CD226: variants seen among roughly 807,000 people sequenced by gnomAD.
CD226 encodes CD226 molecule, also known as CD226 antigen.
CD226 carries 24 observed loss-of-function variants against 34.9 expected under a neutral mutation model. The observed-to-expected ratio is 0.69, with a 90% CI of 0.50 to 0.97. The LOEUF (loss-of-function observed/expected upper bound fraction) is 0.97, where lower values mean the gene tolerates loss of function less well. CD226 is among the 50% of genes least tolerant of loss of function. CD226 has a pLI of 0.00. For synonymous variants in CD226, 148 were observed against 147.4 expected (o/e 1.00, Z -0.03); for missense variants, 397 against 412.7 (o/e 0.96, Z 0.33).
intron 2 of CD226, among the ~76,000 whole-genome samples, chr18:69,926,149 A>G (rs1034371349): frequency 1.3e-5 from 2 of 151,954 alleles, no homozygotes; most frequent in African/African-American, 4.8e-5. Flanking sequence ...TCTCAAAACA[A>G]CAATAACAAC....
At chr18:69,930,691 T>C (rs4599011) in intron 2 of CD226, among the ~76,000 whole-genome samples, 137,066 of 152,232 alleles carry the variant, frequency 0.9, 63,072 homozygotes, top group East Asian at 1. Context: ...AATAAGCATG[T>C]GCTCACCCGC....
At chr18:69,920,927 T>TC (rs2055443318) in intron 2 of CD226, among the ~76,000 whole-genome samples, 1 of 152,196 alleles carries the variant, frequency 6.6e-6, no homozygotes. Context: ...AATTCTGGAA[T>TC]CCTTTATACA....
chr18:69,882,878 G>A (rs12965075), intron 3 of CD226, among the ~76,000 whole-genome samples: 1 of 152,246 alleles, frequency 6.6e-6, no homozygotes, highest in African/African-American at 2.4e-5. Context: ...ATGTTGCTCA[G>A]GCTGGGGTTG....
chr18:69,902,128 T>C (rs1179650685), intron 2 of CD226, among the ~76,000 whole-genome samples: 7 of 152,170 alleles, frequency 4.6e-5, no homozygotes, highest in Non-Finnish European at 1.0e-4. Flanking sequence ...TTAAAGCTCA[T>C]ACATTTTTCA....
At chr18:69,892,464 T>G (rs1984961898) in intron 3 of CD226, among the ~76,000 whole-genome samples, 2 of 152,208 alleles carry the variant, frequency 1.3e-5, no homozygotes, top group South Asian at 4.1e-4. Flanking sequence ...TCCTTGCCCT[T>G]CGGTCCAGGC....
At chr18:69,937,499 A>AT (rs1412294772) in intron 2 of CD226, among the ~76,000 whole-genome samples, 3 of 152,132 alleles carry the variant, frequency 2.0e-5, no homozygotes, top group South Asian at 2.1e-4. Flanking sequence ...AATGCGACTT[A>AT]TTTTTTTGCC....
intron 1 of CD226, among the ~76,000 whole-genome samples, chr18:69,955,345 T>G (rs1188840627): frequency 6.6e-6 from 1 of 152,248 alleles, no homozygotes; most frequent in Non-Finnish European, 1.5e-5. Flanking sequence ...ATGTGTGTGA[T>G]GGAGAATCTG....
At chr18:69,870,283 T>C (rs1031217620) in intron 4 of CD226, among the ~76,000 whole-genome samples, 1 of 149,756 alleles carries the variant, frequency 6.7e-6, no homozygotes, top group Non-Finnish European at 1.5e-5. Flanking sequence ...TTTTTTTTTT[T>C]TTTTTTTTTG....
chr18:69,943,975 T>C (rs867281327), intron 2 of CD226, among the ~76,000 whole-genome samples: 3,387 of 93,528 alleles, frequency 0.036, 72 homozygotes, highest in African/African-American at 0.077. Context: ...TTCCAAGTCT[T>C]TTTTTTTTTT....
intron 2 of CD226, among the ~76,000 whole-genome samples, chr18:69,935,433 T>C (rs983558725): frequency 6.6e-6 from 1 of 152,180 alleles, no homozygotes; most frequent in Non-Finnish European, 1.5e-5. Flanking sequence ...GAAGCCGAGA[T>C]GGTCTGAGGA....
chr18:69,899,251 C>T (rs1985473242), intron 2 of CD226, among the ~76,000 whole-genome samples: 1 of 152,186 alleles, frequency 6.6e-6, no homozygotes, highest in Non-Finnish European at 1.5e-5. Flanking sequence ...CTAGCGCCTC[C>T]CTGGCTACTG....
chr18:69,881,265 G>A (rs1216455739), intron 3 of CD226, among the ~76,000 whole-genome samples: 2 of 152,216 alleles, frequency 1.3e-5, no homozygotes, highest in Non-Finnish European at 2.9e-5. Flanking sequence ...TTCACACAGA[G>A]CAGATGTGGG....
At chr18:69,900,536 T>C (rs1468859450) in intron 2 of CD226, among the ~76,000 whole-genome samples, 2 of 151,526 alleles carry the variant, frequency 1.3e-5, no homozygotes, top group Admixed American at 1.3e-4. Context: ...ATCGAGACCA[T>C]CCTGGCTAAC....
Position 69,864,337 on chromosome 18 carries a change from G to C in CD226, c.988C>G (p.Arg330Gly). Residue 330 changes from arginine to glycine, a missense_variant, in exon 6 of 6, where the codon CGC becomes GGC. Transcript: ENST00000582621. ...DIYVNYPTFS[R>G]RPKTRV ...GCTTAAACTCTAGTCTTTGGTCTGC[G>C]AGAGAAGGTTGGATAGTTGACATAA... 4 of 1,613,740 alleles carry C rather than the reference G, an allele frequency of 2.5e-6. No homozygotes were observed.
intron 3 of CD226, among the ~76,000 whole-genome samples, chr18:69,890,531 A>C (rs1984832239): frequency 1.3e-5 from 2 of 152,250 alleles, no homozygotes; most frequent in South Asian, 4.1e-4. Context: ...AGACTATAAA[A>C]GTTTGAGAAA....
chr18:69,902,035 A>G (rs900095454), intron 2 of CD226, among the ~76,000 whole-genome samples: 2 of 152,218 alleles, frequency 1.3e-5, no homozygotes, highest in African/African-American at 4.8e-5. Flanking sequence ...TCACAGTTGA[A>G]AAAATAAATA....
chr18:69,947,844 G>GTGCA lies in CD226; in HGVS notation c.-442_-439dup, dbSNP rs908363394. ...AAATATAAATAATAAGTGAAAGGTGGTGCATGCATGGAGCAGAGAAGTCCT... is the reference window on the plus strand; with the variant it reads ...AAATATAAATAATAAGTGAAAGGTGGTGCATGCATGCATGGAGCAGAGAAGTCCT... On this transcript the variant is annotated 5_prime_UTR_variant, in exon 1 of 6. It adds an upstream start codon to the 5' untranslated region. Transcript: ENST00000582621. 2.0e-5 allele frequency: 3 copies of GTGCA among 152,942 alleles called. No homozygotes were observed. The highest frequency in any genetic ancestry group is 7.2e-5 in the African/African-American group (3 of 41,428). The allele number at this position is 152,942 out of a possible 1,614,324, so 9.5% of individuals were successfully genotyped here.
At chr18:69,944,470 G>A (rs2055764969) in intron 2 of CD226, 1 of 152,210 alleles carries the variant, frequency 6.6e-6, no homozygotes, top group African/African-American at 2.4e-5. Context: ...CATATGTGAT[G>A]TTAAAAATCC....
chr18:69,919,671 A>G (rs1015354806), intron 2 of CD226, among the ~76,000 whole-genome samples: 21 of 152,218 alleles, frequency 1.4e-4, no homozygotes, highest in African/African-American at 5.1e-4. Flanking sequence ...TATTTCGCTG[A>G]ACAATGCAGG....
Sources: gnomAD v4.1 joint callset for allele counts (sites outside exome capture counted in the v4.1 genomes callset) on GRCh38, gnomAD v4.1.1 for gene constraint, MANE v1.5 for transcripts, NCBI Gene and HGNC (gene_info 2026-07-23, HGNC 2026-07-21) for gene names.